The following ODAD3 variants were observed in gnomAD, a reference collection of about 807,000 sequenced individuals.
ODAD3 encodes outer dynein arm-docking complex subunit 3.
In ODAD3, 57 loss-of-function variants were observed where a neutral mutation model predicts 70.9. The ratio of observed to expected loss-of-function variants is 0.80; its 90% confidence interval spans 0.65 to 1.00. The LOEUF (loss-of-function observed/expected upper bound fraction) is 1.00. Ranked by LOEUF, ODAD3 falls within the 50% of genes least tolerant of loss-of-function variation. The probability of loss-of-function intolerance (pLI) is 0.00; values close to 1 mark genes in which losing one functional copy is unlikely to be tolerated. For missense variants in ODAD3, 797 were observed against 763.9 expected, an observed-to-expected ratio of 1.04 and a Z score of -0.51; for synonymous variants, 327 against 315.9, an observed-to-expected ratio of 1.04 and a Z score of -0.37.
chr19:11,426,810 G>A (rs1969387140), intron 4 of ODAD3, 26 bp from the exon 5 acceptor site: 1 of 1,613,510 alleles, frequency 6.2e-7, no homozygotes, highest in African/African-American at 1.3e-5. Flanking sequence ...GCTGGGCTGA[G>A]GGCCCTCCGC....
At position 11,426,162 on chromosome 19, in the gene ODAD3, G is replaced by A. The variant is rs1364711865; in HGVS notation, c.945C>T (p.Asn315=). ...KKRAEEKKLE[N]ERMERKTHRE... ...CGCCCACCTTGCGCTCCATGCGCTC[G>A]TTCTCCAGTTTCTTCTCCTCGGCGC... The change falls in exon 7 of 13, where the codon AAC becomes AAT. Residue 315 remains asparagine, a synonymous_variant. Transcript: ENST00000356392. The A allele has an allele frequency of 2.5e-6, 4 of 1,611,252 alleles. No homozygotes were observed. The highest frequency in any genetic ancestry group is 2.7e-5 in the African/African-American group (2 of 74,870).
At chr19:11,428,882 T>C (rs902813591) in intron 3 of ODAD3, among the ~76,000 whole-genome samples, 13 of 150,546 alleles carry the variant, frequency 8.6e-5, no homozygotes, top group Non-Finnish European at 1.6e-4. Context: ...TATTTATTTA[T>C]TTATTTATTT....
intron 1 of ODAD3, among the ~76,000 whole-genome samples, chr19:11,433,735 T>C (rs1969555636): frequency 6.6e-6 from 1 of 152,084 alleles, no homozygotes; most frequent in Non-Finnish European, 1.5e-5. Context: ...GAGACCAGCC[T>C]GGGCAGCATA....
chr19:11,431,659 G>A (rs908577815), intron 1 of ODAD3, among the ~76,000 whole-genome samples: 23 of 151,556 alleles, frequency 1.5e-4, no homozygotes, highest in Middle Eastern at 3.2e-3. Context: ...GCATGGCCGG[G>A]CACGGTGGCT....
chr19:11,425,586 T>TAC (rs1969342103), intron 7 of ODAD3, among the ~76,000 whole-genome samples: 2 of 141,440 alleles, frequency 1.4e-5, no homozygotes, highest in African/African-American at 5.7e-5. Flanking sequence ...TATATATGTA[T>TAC]GTATATGTGT....
At chr19:11,425,381 G>GTATATACATA (rs1969315136) in intron 7 of ODAD3, among the ~76,000 whole-genome samples, 6 of 101,180 alleles carry the variant, frequency 5.9e-5, no homozygotes, top group African/African-American at 2.6e-4. Context: ...ATATATGTGT[G>GTATATACATA]TATGTACATA....
At chr19:11,429,698 G>A (rs1203474133) in intron 3 of ODAD3, among the ~76,000 whole-genome samples, 6 of 152,108 alleles carry the variant, frequency 3.9e-5, no homozygotes, top group African/African-American at 1.4e-4. Context: ...ATGAGCCACC[G>A]CGCCCGGCCT....
rs1276242751 is a variant in ODAD3 at position 11,426,523 on chromosome 19, C to T, written c.763G>A (p.Val255Met). ...TCCAGCTCATGTTTGGTCCTCACCA[C>T]CTCAGCCTCCATGGAGTCCAGCCGG... Reference protein sequence around the residue: ...ENRLDSMEAEVVRTKHELEAL... With the variant: ...ENRLDSMEAEMVRTKHELEAL... Residue 255 changes from valine to methionine, a missense_variant, in exon 6 of 13, where the codon GTG becomes ATG. Coordinates refer to ENST00000356392, the MANE Select transcript of ODAD3 (RefSeq NM_145045.5). The T allele has an allele frequency of 1.2e-6, 2 of 1,613,956 alleles. No homozygotes were observed. The highest frequency in any genetic ancestry group is 1.3e-5 in the African/African-American group (1 of 74,896).
At chr19:11,425,125 A>T (rs1339246457) in intron 7 of ODAD3, among the ~76,000 whole-genome samples, 1 of 130,884 alleles carries the variant, frequency 7.6e-6, no homozygotes, top group Admixed American at 7.3e-5. Flanking sequence ...ATATGTACAT[A>T]TGTGTATATG....
chr19:11,422,038 G>A lies in ODAD3; in HGVS notation c.1435-206C>T, dbSNP rs1053311351. Among the ~76,000 whole-genome samples the A allele has an allele frequency of 6.6e-6, 1 of 152,154 alleles. No individual in the cohort carries two copies. The stretch of plus-strand genomic sequence containing the variant: ...CTGAACTCTAACTCTATATGTAAAG[G>A]TTTCGGGGAGGCCTCTTGGGAACAG... On this transcript the variant is annotated intron_variant, in intron 10 of 12. Transcript: ENST00000356392. The surrounding 1 kb of genome is among the most constrained non-coding windows in gnomAD (Gnocchi z 4.6).
rs774993746 is a variant in ODAD3, at chr19:11,434,949, G to A, written c.68C>T (p.Pro23Leu). The A allele has an allele frequency of 5.6e-6, 9 of 1,613,804 alleles. No individual in the cohort carries two copies. The African/African-American group carries it at 8.0e-5, about 14-fold the overall frequency. The change falls in exon 1 of 13, where the codon CCC becomes CTC. Residue 23 changes from proline (P) to leucine (L), a missense_variant. Coordinates refer to ENST00000356392, the MANE Select transcript of ODAD3 (RefSeq NM_145045.5). ...ALPPQDQAST[P>L]SSRVKGREAS... ...CTCCCTGCCCTTGACCCTGGAAGAGGGCGTCGAAGCCTGGTCCTGAGGAGG... is the reference window on the plus strand; with the variant it reads ...CTCCCTGCCCTTGACCCTGGAAGAGAGCGTCGAAGCCTGGTCCTGAGGAGG...
Position 11,425,183 on chromosome 19 carries a change from GTA to G in ODAD3, c.963+959_963+960del, listed in dbSNP as rs771868476. ...TACATATGTGTATATGTACATATGTGTATATATACATATGTGTATGTGTACAT... is the reference window on the plus strand; with the variant it reads ...TACATATGTGTATATGTACATATGTGTATATACATATGTGTATGTGTACAT... On this transcript the variant is annotated intron_variant, in intron 7 of 12. Transcript: ENST00000356392. Among the ~76,000 whole-genome samples, 55 of 137,386 alleles carry G rather than the reference GTA, an allele frequency of 4.0e-4. 5 individuals are homozygous for G. Among genetic ancestry groups the G allele is most frequent in the Non-Finnish European group, 6.2e-4 (41 of 66,054 alleles). 90.1% of individuals were successfully genotyped at this position (137,386 alleles called of 152,430 possible).
Position 11,420,746 on chromosome 19 carries a change from AGCCCCTGAAGGGGCCCCGTG to A in ODAD3, c.*69_*88del. 1 of 1,171,188 alleles carries A rather than the reference AGCCCCTGAAGGGGCCCCGTG, an allele frequency of 8.5e-7. No individual in the cohort carries two copies. The highest frequency in any genetic ancestry group is 1.3e-5 in the South Asian group (1 of 79,906). The allele number at this position is 1,171,188 out of a possible 1,614,324, so 72.5% of individuals were successfully genotyped here. A position where few individuals can be genotyped will look rare whatever the true frequency, so the allele number is the denominator to read the frequency against. ...TCCGTTCCCGGTCCGGGCCGCGTTCAGCCCCTGAAGGGGCCCCGTGGGGCCTGCGCTAGACCCGGAGGGAT... is the reference window on the plus strand; with the variant it reads ...TCCGTTCCCGGTCCGGGCCGCGTTCAGGGCCTGCGCTAGACCCGGAGGGAT... On this transcript the variant is annotated 3_prime_UTR_variant, in exon 13 of 13. Coordinates refer to ENST00000356392, the MANE Select transcript of ODAD3 (RefSeq NM_145045.5).
chr19:11,427,911 T>C (rs1369023266), intron 3 of ODAD3, among the ~76,000 whole-genome samples: 3 of 151,714 alleles, frequency 2.0e-5, no homozygotes, highest in African/African-American at 7.3e-5. Flanking sequence ...CCATCCTGGC[T>C]AACACGGTAA....
intron 5 of ODAD3, 36 bp from the exon 6 acceptor site, chr19:11,426,607 C>T (rs1184096418): frequency 1.2e-6 from 2 of 1,613,650 alleles, no homozygotes; most frequent in African/African-American, 1.3e-5. Flanking sequence ...GGAGATGGTG[C>T]AGGTCTGTGA....
chr19:11,425,738 C>T (rs1969355063), intron 7 of ODAD3, among the ~76,000 whole-genome samples: 1 of 144,008 alleles, frequency 6.9e-6, no homozygotes, highest in Non-Finnish European at 1.5e-5. Flanking sequence ...CAGGACAGGG[C>T]TTTGGTGAGG....
rs1274243019 is a variant in ODAD3, at chr19:11,426,426, G to A, written c.840+20C>T. On this transcript the variant is annotated intron_variant, in intron 6 of 12. Coordinates refer to ENST00000356392, the MANE Select transcript of ODAD3 (RefSeq NM_145045.5). ...ACCGCGGCAGCTGGGCAGGATGGCC[G>A]AGGGCAAGAGGGGTGGCACCTTGGC... is the stretch of plus-strand genomic sequence containing the variant. 1.9e-6 allele frequency: 3 copies of A among 1,613,856 alleles called. No individual in the cohort carries two copies. Among genetic ancestry groups the A allele is most frequent in the South Asian group, 1.1e-5 (1 of 91,070 alleles).
chr19:11,435,006 G>A lies in ODAD3; in HGVS notation c.11C>T (p.Pro4Leu). 8 of 1,611,160 alleles carry A rather than the reference G, an allele frequency of 5.0e-6. No individual in the cohort carries two copies. The highest frequency in any genetic ancestry group is 6.8e-6 in the Non-Finnish European group (8 of 1,179,664). The change falls in exon 1 of 13, where the codon CCT becomes CTT. Residue 4 changes from proline to leucine, a missense_variant. Pro to Leu is a moderately conservative substitution (Grantham distance 98, BLOSUM62 -3). Coordinates refer to ENST00000356392, the MANE Select transcript of ODAD3 (RefSeq NM_145045.5). ...GTTGGCGGAGGCCGCCCTGCACAGA[G>A]GAGATGTCATGATGGGGTTGGGGCT... Reference protein sequence around the residue: MTSPLCRAASANAL... With the variant: MTSLLCRAASANAL...
Position 11,425,565 on chromosome 19 carries a change from GTGTA to G in ODAD3, c.963+575_963+578del, listed in dbSNP as rs1178689225. Among the ~76,000 whole-genome samples the G allele has an allele frequency of 1.1e-4, 14 of 127,414 alleles. 1 individual carries two copies. Among genetic ancestry groups the G allele is most frequent in the South Asian group, 2.2e-4 (1 of 4,570 alleles). The allele number at this position is 127,414 out of a possible 152,430, so 83.6% of individuals were successfully genotyped here. A position where few individuals can be genotyped will look rare whatever the true frequency, so the allele number is the denominator to read the frequency against. On this transcript the variant is annotated intron_variant, in intron 7 of 12. Transcript: ENST00000356392. ...TATGTATGTATATATGTATATATGT[GTGTA>G]TGTATGTATATATGTATGTATATGT...
Sources: allele counts gnomAD v4.1 joint callset (sites outside exome capture counted in the v4.1 genomes callset), GRCh38; gene constraint gnomAD v4.1.1; non-coding constraint Gnocchi (gnomAD v3.1); transcripts MANE v1.5; gene names NCBI Gene and HGNC (gene_info 2026-07-23, HGNC 2026-07-21).